SLC24A2: variants seen among roughly 807,000 people sequenced by gnomAD.
SLC24A2 encodes sodium/potassium/calcium exchanger 2.
Under a neutral mutation model 62.0 loss-of-function variants are expected in SLC24A2, and 36 were observed. The ratio of observed to expected loss-of-function variants is 0.58; its 90% CI spans 0.44 to 0.77. The LOEUF (loss-of-function observed/expected upper bound fraction) is 0.77. Ranked by LOEUF, SLC24A2 falls within the 30% of genes least tolerant of loss-of-function variation. The pLI is 0.00. For synonymous variants in SLC24A2, 358 were observed against 294.0 expected (o/e 1.22, Z -2.23); for missense variants, 846 against 817.9 (o/e 1.03, Z -0.42).
At chr9:20,291,203 G>A in the SLC24A2 span, among the ~76,000 whole-genome samples, 31 of 152,268 alleles carry the variant, frequency 2.0e-4, no homozygotes, top group Non-Finnish European at 4.1e-4. Context: ...TAGCAATATG[G>A]ACGTGGAAAA....
chr9:20,252,011 T>G, the SLC24A2 span, among the ~76,000 whole-genome samples: 3 of 152,234 alleles, frequency 2.0e-5, no homozygotes, highest in East Asian at 5.8e-4. Flanking sequence ...TTGGGTCACC[T>G]GCCCATTCCT....
the SLC24A2 span, among the ~76,000 whole-genome samples, chr9:20,075,942 T>C: frequency 1.2e-3 from 189 of 152,338 alleles, 1 homozygote; most frequent in East Asian, 0.025. Flanking sequence ...ATATAACCTA[T>C]GTACATCCTC....
intron 2 of SLC24A2, among the ~76,000 whole-genome samples, chr9:19,772,686 A>C (rs1273372304): frequency 6.6e-6 from 1 of 152,324 alleles, no homozygotes; most frequent in South Asian, 2.1e-4. Context: ...GGGTATAATA[A>C]AAAAGCTAAT....
At chr9:19,565,163 A>G (rs1045888723) in intron 7 of SLC24A2, among the ~76,000 whole-genome samples, 10 of 152,120 alleles carry the variant, frequency 6.6e-5, no homozygotes, top group Non-Finnish European at 1.2e-4. Flanking sequence ...GAAAAGAGGA[A>G]GTCAAATTGT....
chr9:19,518,461 G>A (rs1286592126), intron 10 of SLC24A2, among the ~76,000 whole-genome samples: 18 of 143,002 alleles, frequency 1.3e-4, no homozygotes, highest in Admixed American at 5.1e-4. Context: ...TTGCTCTGTC[G>A]CCCAGGCTGG....
chr9:19,525,354 G>A (rs982134545), intron 9 of SLC24A2, among the ~76,000 whole-genome samples: 9 of 114,434 alleles, frequency 7.9e-5, no homozygotes, highest in Non-Finnish European at 1.7e-4. Context: ...TTTAAAAAGT[G>A]TACAGTTCTG....
intron 8 of SLC24A2, among the ~76,000 whole-genome samples, chr9:19,544,131 T>C (rs1054532676): frequency 3.3e-5 from 5 of 152,176 alleles, no homozygotes; most frequent in African/African-American, 4.8e-5. Flanking sequence ...TGTGCATATA[T>C]ATTTAGGATA....
chr9:20,213,165 G>C, the SLC24A2 span, among the ~76,000 whole-genome samples: 35 of 151,744 alleles, frequency 2.3e-4, 1 homozygote, highest in African/African-American at 8.3e-4. Context: ...TCCTGTACTT[G>C]TATCCCAGAA....
chr9:20,151,901 C>T, the SLC24A2 span, among the ~76,000 whole-genome samples: 1 of 151,666 alleles, frequency 6.6e-6, no homozygotes, highest in East Asian at 1.9e-4. Context: ...AGAACTCATT[C>T]CTTTCTTTAT....
chr9:19,743,734 G>C (rs1821747752), intron 2 of SLC24A2, among the ~76,000 whole-genome samples: 1 of 151,998 alleles, frequency 6.6e-6, no homozygotes, highest in Non-Finnish European at 1.5e-5. Flanking sequence ...AGGTCCTAGG[G>C]TTCTGTTTAT....
At chr9:20,270,203 C>G in the SLC24A2 span, among the ~76,000 whole-genome samples, 188 of 152,296 alleles carry the variant, frequency 1.2e-3, no homozygotes, top group African/African-American at 2.4e-3. Flanking sequence ...ATGACCCAAA[C>G]AGCTTCCACC....
At chr9:19,942,858 G>A in the SLC24A2 span, among the ~76,000 whole-genome samples, 7 of 152,258 alleles carry the variant, frequency 4.6e-5, no homozygotes, top group Non-Finnish European at 8.8e-5. Flanking sequence ...TACAGGCGCC[G>A]ATGAGCCAAC....
chr9:19,656,620 A>G (rs1300937845), intron 2 of SLC24A2, among the ~76,000 whole-genome samples: 1 of 151,810 alleles, frequency 6.6e-6, no homozygotes, highest in Non-Finnish European at 1.5e-5. Context: ...TTTATCCCCC[A>G]CCTTCAGAGC....
At chr9:19,965,238 A>G in the SLC24A2 span, among the ~76,000 whole-genome samples, 2 of 152,122 alleles carry the variant, frequency 1.3e-5, no homozygotes, top group Admixed American at 1.3e-4. Context: ...ACCAATCAGA[A>G]TGAAGGCAGA....
chr9:19,566,901 A>G (rs1835673484), intron 7 of SLC24A2, among the ~76,000 whole-genome samples: 1 of 149,892 alleles, frequency 6.7e-6, no homozygotes. Context: ...ATAGGTGGAA[A>G]TTGAACAATG....
At chr9:19,815,749 G>A in the SLC24A2 span, among the ~76,000 whole-genome samples, 1 of 152,022 alleles carries the variant, frequency 6.6e-6, no homozygotes, top group African/African-American at 2.4e-5. Flanking sequence ...TTTGTTAACA[G>A]TTAGGCTCTT....
At chr9:20,183,086 G>A in the SLC24A2 span, among the ~76,000 whole-genome samples, 1 of 152,084 alleles carries the variant, frequency 6.6e-6, no homozygotes, top group Non-Finnish European at 1.5e-5. Flanking sequence ...CCACAGTTTT[G>A]AACTGAACCT....
intron 2 of SLC24A2, among the ~76,000 whole-genome samples, chr9:19,705,187 T>C (rs868313601): frequency 3.3e-5 from 5 of 152,334 alleles, no homozygotes; most frequent in African/African-American, 9.6e-5. Flanking sequence ...GTTAAGATGA[T>C]TAAATGACAT....
the SLC24A2 span, among the ~76,000 whole-genome samples, chr9:19,861,173 C>G: frequency 6.6e-6 from 1 of 152,156 alleles, no homozygotes; most frequent in Non-Finnish European, 1.5e-5. Context: ...CAGTACACTC[C>G]TAGGGATGGT....
Sources: allele counts gnomAD v4.1 joint callset (sites outside exome capture counted in the v4.1 genomes callset), GRCh38; gene constraint gnomAD v4.1.1; transcripts MANE v1.5; gene names NCBI Gene and HGNC (gene_info 2026-07-23, HGNC 2026-07-21).